Variants in CD200 observed in about 807,000 individuals in gnomAD.
CD200 encodes the protein CD200 molecule, also known as OX-2 membrane glycoprotein.
Under a neutral mutation model 30.9 loss-of-function variants are expected in CD200, and 15 were observed. The ratio of observed to expected loss-of-function variants is 0.49; its 90% CI spans 0.32 to 0.75. The LOEUF (loss-of-function observed/expected upper bound fraction) is 0.75. CD200 is among the 30% of genes least tolerant of loss of function. The pLI, the probability that CD200 is intolerant of heterozygous loss-of-function variation, is 0.03. For missense variants in CD200, 262 were observed against 324.2 expected, an observed-to-expected ratio of 0.81 and a Z score of 1.47; for synonymous variants, 134 against 126.2, an observed-to-expected ratio of 1.06 and a Z score of -0.41.
In CD200 at chr3:112,341,012, G is replaced by T; in HGVS notation, c.94+29G>T. The T allele has an allele frequency of 3.4e-6, 5 of 1,458,080 alleles. No homozygotes were observed. In the South Asian group the frequency reaches 5.8e-5, roughly 17 times the overall value. 90.3% of individuals were successfully genotyped at this position (1,458,080 alleles called of 1,614,324 possible). A position where few individuals can be genotyped will look rare whatever the true frequency, so the allele number is the denominator to read the frequency against. On this transcript the variant is annotated intron_variant, in intron 2 of 5. Coordinates refer to ENST00000315711, the MANE Select transcript of CD200 (RefSeq NM_005944.7). ...AAGAAACTCAATTCCCCTGCTTGGA[G>T]CCCAGCAAACACAATTTCTGGGGTG... is the stretch of plus-strand genomic sequence containing the variant.
intron 2 of CD200, among the ~76,000 whole-genome samples, chr3:112,343,715 A>T (rs556582053): frequency 6.6e-6 from 1 of 152,234 alleles, no homozygotes. Context: ...TAATTCTATT[A>T]GTTTTGCTTT....
rs969648981 is a variant in CD200, at chr3:112,362,271, T to C, written c.*721T>C. On this transcript the variant is annotated 3_prime_UTR_variant, in exon 6 of 6. Coordinates refer to ENST00000315711, the MANE Select transcript of CD200 (RefSeq NM_005944.7). ...AAGTAACATTGGCAATCTTAACTTATTCATTTAACTTATTTTTATAGCTAG... is the reference window on the plus strand; with the variant it reads ...AAGTAACATTGGCAATCTTAACTTACTCATTTAACTTATTTTTATAGCTAG... 1.3e-5 allele frequency: 2 copies of C among 152,248 alleles called. No individual in the cohort carries two copies. Among genetic ancestry groups the C allele is most frequent in the Non-Finnish European group, 2.9e-5 (2 of 68,036 alleles). 9.4% of individuals were successfully genotyped at this position (152,248 alleles called of 1,614,324 possible). A position where few individuals can be genotyped will look rare whatever the true frequency, so the allele number is the denominator to read the frequency against.
At chr3:112,352,184 C>T (rs1171231184) in intron 5 of CD200, among the ~76,000 whole-genome samples, 4 of 152,120 alleles carry the variant, frequency 2.6e-5, no homozygotes, top group Non-Finnish European at 4.4e-5. Context: ...AGCTTAAATG[C>T]TCAGGGCTAA....
At chr3:112,346,777 G>A (rs2081405454) in intron 3 of CD200, among the ~76,000 whole-genome samples, 1 of 152,106 alleles carries the variant, frequency 6.6e-6, no homozygotes, top group East Asian at 1.9e-4. Context: ...GTTTACATCT[G>A]CTTAGAAAAG....
At chr3:112,334,124 CT>C in intron 1 of CD200, 1 of 985,220 alleles carries the variant, frequency 1.0e-6, no homozygotes, top group Non-Finnish European at 1.2e-6. Context: ...TGTTAATCTT[CT>C]TTGTAACTAT....
chr3:112,353,695 C>T (rs1479336595), intron 5 of CD200, among the ~76,000 whole-genome samples: 2 of 152,098 alleles, frequency 1.3e-5, no homozygotes, highest in Non-Finnish European at 2.9e-5. Context: ...TCTGTTCACC[C>T]CTCCTGAAAT....
At chr3:112,339,588 G>A (rs1193032201) in intron 1 of CD200, among the ~76,000 whole-genome samples, 1 of 152,130 alleles carries the variant, frequency 6.6e-6, no homozygotes, top group Non-Finnish European at 1.5e-5. Context: ...TGAGATCCAA[G>A]AAAAAAATAA....
chr3:112,339,754 G>A (rs900562035), intron 1 of CD200, among the ~76,000 whole-genome samples: 1 of 152,196 alleles, frequency 6.6e-6, no homozygotes, highest in Non-Finnish European at 1.5e-5. Flanking sequence ...GGAACCCAGG[G>A]ACAGCCTGGA....
At chr3:112,349,651 T>A in intron 4 of CD200, 61 bp from the exon 5 acceptor site, 4 of 1,468,160 alleles carry the variant, frequency 2.7e-6, no homozygotes, top group Non-Finnish European at 2.8e-6. Flanking sequence ...CTCAACTCTT[T>A]TTGCCTCAAC....
intron 1 of CD200, among the ~76,000 whole-genome samples, chr3:112,338,388 C>T (rs114492427): frequency 1.3e-3 from 192 of 152,112 alleles, no homozygotes; most frequent in African/African-American, 4.5e-3. Context: ...TTCAGCATTC[C>T]TTCATGTTTT....
chr3:112,353,151 T>C (rs1204431638), intron 5 of CD200, among the ~76,000 whole-genome samples: 1 of 152,210 alleles, frequency 6.6e-6, no homozygotes, highest in East Asian at 1.9e-4. Flanking sequence ...TATATGACAA[T>C]GTAGTTAAAT....
intron 1 of CD200, chr3:112,333,592 G>T (rs955019229): frequency 1.1e-5 from 11 of 985,296 alleles, no homozygotes; most frequent in Non-Finnish European, 1.3e-5. Flanking sequence ...AACTGGGGAG[G>T]CACAGCCTAT....
intron 2 of CD200, among the ~76,000 whole-genome samples, 178 bp from the exon 3 acceptor site, chr3:112,344,784 C>T (rs2081346246): frequency 6.6e-6 from 1 of 152,208 alleles, no homozygotes; most frequent in South Asian, 2.1e-4. Flanking sequence ...ATTGAACAAA[C>T]ATATTTGAAC....
At chr3:112,333,488 C>T (rs2081043558) in intron 1 of CD200, 1 of 985,274 alleles carries the variant, frequency 1.0e-6, no homozygotes, top group African/African-American at 1.7e-5. Context: ...AAAAGATGCA[C>T]CAGGCCGGGG....
intron 5 of CD200, among the ~76,000 whole-genome samples, chr3:112,352,528 A>G (rs1241643906): frequency 2.4e-5 from 3 of 125,918 alleles, no homozygotes; most frequent in Non-Finnish European, 5.0e-5. Flanking sequence ...CACTAAAGTG[A>G]AGAGGTGGAA....
At chr3:112,349,618 T>A in intron 4 of CD200, 94 bp from the exon 5 acceptor site, 1 of 922,026 alleles carries the variant, frequency 1.1e-6, no homozygotes, top group Non-Finnish European at 1.6e-6. Flanking sequence ...ATGTATGTAT[T>A]TAAGGATAAT....
At chr3:112,339,289 A>G (rs1378041476) in intron 1 of CD200, among the ~76,000 whole-genome samples, 1 of 152,200 alleles carries the variant, frequency 6.6e-6, no homozygotes, top group African/African-American at 2.4e-5. Flanking sequence ...AAAAGCCAAA[A>G]TTTTGCAATA....
chr3:112,349,630 T>G, intron 4 of CD200, 82 bp from the exon 5 acceptor site: 2 of 1,119,574 alleles, frequency 1.8e-6, no homozygotes, highest in Non-Finnish European at 2.5e-6. Context: ...AAGGATAATT[T>G]TAACTAAAAG....
intron 5 of CD200, among the ~76,000 whole-genome samples, chr3:112,355,813 A>AT (rs1444393412): frequency 2.0e-5 from 3 of 152,286 alleles, no homozygotes; most frequent in Middle Eastern, 3.4e-3. Context: ...CAGAGCTAAA[A>AT]ATATATATAT....
Sources: allele counts gnomAD v4.1 joint callset (sites outside exome capture counted in the v4.1 genomes callset), GRCh38; gene constraint gnomAD v4.1.1; transcripts MANE v1.5; gene names NCBI Gene and HGNC (gene_info 2026-07-23, HGNC 2026-07-21).